The following SPRR2G variants were observed in gnomAD, a reference collection of about 807,000 sequenced individuals.
SPRR2G encodes small proline-rich protein 2G.
SPRR2G carries 1 observed loss-of-function variant against 0.7 expected under a neutral mutation model. The ratio of observed to expected loss-of-function variants is 1.49; its 90% confidence interval spans 0.53 to 7.06. SPRR2G has a LOEUF of 7.06. SPRR2G is among the 30% of genes most tolerant of loss of function. The pLI is 0.14. For synonymous variants in SPRR2G, 38 were observed against 33.9 expected (o/e 1.12, Z -0.42); for missense variants, 96 against 88.5 (o/e 1.09, Z -0.34).
At chr1:153,163,608 A>C in the SPRR2G span, among the ~76,000 whole-genome samples, 1 of 145,774 alleles carries the variant, frequency 6.9e-6, no homozygotes, top group South Asian at 2.1e-4. Flanking sequence ...TTGGAGCCTA[A>C]AAATGCAGCT....
At chr1:153,154,358 C>A (rs1476308998), upstream of SPRR2G, among the ~76,000 whole-genome samples, 22 of 151,878 alleles carry the variant, frequency 1.4e-4, 1 homozygote, top group Admixed American at 1.4e-3. Flanking sequence ...CAGGGTAATG[C>A]CATCCTCATA....
At chr1:153,195,697 T>C in the SPRR2G span, among the ~76,000 whole-genome samples, 2 of 152,350 alleles carry the variant, frequency 1.3e-5, no homozygotes, top group African/African-American at 4.8e-5. Flanking sequence ...ACAACATTTA[T>C]TTATCACCTC....
the SPRR2G span, among the ~76,000 whole-genome samples, chr1:153,197,553 A>T: frequency 6.6e-6 from 1 of 152,108 alleles, no homozygotes; most frequent in Non-Finnish European, 1.5e-5. Flanking sequence ...CATCTATTAT[A>T]TGTCAGGCCC....
chr1:153,166,925 T>G, the SPRR2G span, among the ~76,000 whole-genome samples: 1 of 151,924 alleles, frequency 6.6e-6, no homozygotes, highest in African/African-American at 2.4e-5. Flanking sequence ...ATAAAAGTGT[T>G]TAGGAAAAAA....
At chr1:153,191,043 A>C in the SPRR2G span, 1 of 152,238 alleles carries the variant, frequency 6.6e-6, no homozygotes, top group Admixed American at 6.5e-5. Context: ...CCCTAGAGGC[A>C]ATCAGGGGCC....
the SPRR2G span, among the ~76,000 whole-genome samples, chr1:153,173,077 T>TTTA: frequency 6.6e-6 from 1 of 152,248 alleles, no homozygotes; most frequent in Admixed American, 6.5e-5. Flanking sequence ...AGCTGGTTAA[T>TTTA]GTCAGTAAAG....
At chr1:153,183,723 A>T in the SPRR2G span, among the ~76,000 whole-genome samples, 3 of 152,106 alleles carry the variant, frequency 2.0e-5, no homozygotes, top group South Asian at 6.2e-4. Flanking sequence ...CTTTAGTTTA[A>T]TTAGATCCAA....
At chr1:153,177,210 C>T in the SPRR2G span, among the ~76,000 whole-genome samples, 3 of 152,146 alleles carry the variant, frequency 2.0e-5, no homozygotes, top group Non-Finnish European at 4.4e-5. Context: ...TAATGCTAGG[C>T]AGTATTTCAT....
At chr1:153,192,583 C>A in the SPRR2G span, among the ~76,000 whole-genome samples, 1 of 152,130 alleles carries the variant, frequency 6.6e-6, no homozygotes, top group Non-Finnish European at 1.5e-5. Flanking sequence ...ATTATAGGTT[C>A]CTGGGTCCCT....
upstream of SPRR2G, among the ~76,000 whole-genome samples, chr1:153,155,750 T>C (rs1012812328): frequency 1.3e-5 from 2 of 152,216 alleles, no homozygotes; most frequent in African/African-American, 4.8e-5. Context: ...GACATACCAG[T>C]TTTTTCTATC....
At chr1:153,201,530 A>G in the SPRR2G span, among the ~76,000 whole-genome samples, 1 of 152,178 alleles carries the variant, frequency 6.6e-6, no homozygotes, top group Non-Finnish European at 1.5e-5. Context: ...TGGGGGTGAG[A>G]GCTGCTTCTC....
At chr1:153,185,489 C>T in the SPRR2G span, among the ~76,000 whole-genome samples, 1 of 151,962 alleles carries the variant, frequency 6.6e-6, no homozygotes, top group African/African-American at 2.4e-5. Context: ...CCTATATTTT[C>T]TAGTTTATTT....
chr1:153,196,408 C>G, the SPRR2G span, among the ~76,000 whole-genome samples: 34 of 152,318 alleles, frequency 2.2e-4, no homozygotes, highest in South Asian at 7.0e-3. Context: ...CTTTTTAAGG[C>G]TGGATAGTAT....
chr1:153,186,423 G>A, the SPRR2G span, among the ~76,000 whole-genome samples: 3 of 152,164 alleles, frequency 2.0e-5, no homozygotes, highest in Non-Finnish European at 2.9e-5. Context: ...ATATATTTAG[G>A]ATAGTTAGCT....
At chr1:153,184,910 G>A in the SPRR2G span, among the ~76,000 whole-genome samples, 2 of 152,020 alleles carry the variant, frequency 1.3e-5, no homozygotes, top group Admixed American at 6.5e-5. Flanking sequence ...TGTTTTTATC[G>A]TGAAGGGGTG....
the SPRR2G span, among the ~76,000 whole-genome samples, chr1:153,189,590 A>G: frequency 6.6e-5 from 10 of 152,330 alleles, no homozygotes; most frequent in South Asian, 2.1e-3. Context: ...GTAACTAAGG[A>G]AACTTGTTTA....
chr1:153,158,112 C>G, the SPRR2G span, among the ~76,000 whole-genome samples: 1 of 152,160 alleles, frequency 6.6e-6, no homozygotes, highest in Non-Finnish European at 1.5e-5. Flanking sequence ...ATGTCCTTTT[C>G]ACATTTCAAA....
intron 1 of SPRR2G, 21 bp downstream of exon 1, chr1:153,150,830 AG>A (rs1656451478): frequency 6.5e-6 from 1 of 153,180 alleles, no homozygotes; most frequent in Admixed American, 6.5e-5. Context: ...GTGCAAGAAA[AG>A]CTTCTAATAT....
At chr1:153,168,686 T>C in the SPRR2G span, among the ~76,000 whole-genome samples, 2 of 152,138 alleles carry the variant, frequency 1.3e-5, no homozygotes, top group East Asian at 3.9e-4. Context: ...CTTAGAACTA[T>C]TGAAGAGAAC....
Sources: gnomAD v4.1 joint callset for allele counts (sites outside exome capture counted in the v4.1 genomes callset) on GRCh38, gnomAD v4.1.1 for gene constraint, MANE v1.5 for transcripts, NCBI Gene and HGNC (gene_info 2026-07-23, HGNC 2026-07-21) for gene names.